The following PIGF variants were observed in gnomAD, a reference collection of about 807,000 sequenced individuals.
PIGF encodes phosphatidylinositol glycan anchor biosynthesis class F.
Under a neutral mutation model 26.0 loss-of-function variants are expected in PIGF, and 23 were observed. That is an observed-to-expected ratio of 0.88 (90% confidence interval 0.64 to 1.25). PIGF has a LOEUF of 1.25. Ranked by LOEUF, PIGF falls within the 50% of genes most tolerant of loss-of-function variation. The pLI, the probability that PIGF is intolerant of heterozygous loss-of-function variation, is 0.00. For missense variants in PIGF, 278 were observed against 249.9 expected, an observed-to-expected ratio of 1.11 and a Z score of -0.76; for synonymous variants, 93 against 92.6, an observed-to-expected ratio of 1.00 and a Z score of -0.03.
chr2:46,585,860 G>A (rs962515269), intron 5 of PIGF, among the ~76,000 whole-genome samples: 1 of 151,764 alleles, frequency 6.6e-6, no homozygotes, highest in Non-Finnish European at 1.5e-5. Flanking sequence ...TGCAAGCTCC[G>A]CCTCCCAGGT....
At chr2:46,594,876 G>T (rs1669834816) in intron 4 of PIGF, among the ~76,000 whole-genome samples, 1 of 150,776 alleles carries the variant, frequency 6.6e-6, no homozygotes. Flanking sequence ...TTGAGATGGA[G>T]TTTCGCTCTT....
Position 46,584,144 on chromosome 2 carries a change from G to A in PIGF, c.547-2553C>T, listed in dbSNP as rs1414260276. 3.3e-5 allele frequency among the ~76,000 whole-genome samples: 5 copies of A among 152,106 alleles called. No individual in the cohort carries two copies. In the East Asian group the frequency reaches 9.6e-4, roughly 29 times the overall value. On this transcript the variant is annotated intron_variant, in intron 5 of 5. Transcript: ENST00000281382. ...CAAATTAAATACCAGTTTGTTGGTT[G>A]TTACTTTTAAATGATTGTTACTTTA...
intron 5 of PIGF, chr2:46,591,889 C>T: frequency 7.7e-7 from 1 of 1,303,896 alleles, no homozygotes; most frequent in Middle Eastern, 2.1e-4. Flanking sequence ...CTTGATAACA[C>T]AGGCCGCTGC....
intron 4 of PIGF, among the ~76,000 whole-genome samples, chr2:46,600,814 A>C (rs1017379176): frequency 6.6e-6 from 1 of 152,142 alleles, no homozygotes; most frequent in African/African-American, 2.4e-5. Flanking sequence ...ATGTAAGAAG[A>C]GGTAGATTAT....
intron 4 of PIGF, among the ~76,000 whole-genome samples, chr2:46,610,543 T>TTC (rs1553426999): frequency 6.7e-6 from 1 of 149,070 alleles, no homozygotes; most frequent in Non-Finnish European, 1.5e-5. Context: ...TTTTTTTTTT[T>TTC]TTTTGAGACA....
At position 46,605,947 on chromosome 2, in the gene PIGF, T is replaced by C. The variant is rs574180662; in HGVS notation, c.437+6281A>G. 2.6e-5 allele frequency among the ~76,000 whole-genome samples: 4 copies of C among 152,342 alleles called. No individual in the cohort carries two copies. The South Asian group carries it at 6.2e-4, about 24-fold the overall frequency. ...ATGTGCTATGTGATATTATATAAAA[T>C]GTTTCACATTATAAATTGATAATTT... On this transcript the variant is annotated intron_variant, in intron 4 of 5. Coordinates refer to ENST00000281382, the MANE Select transcript of PIGF (RefSeq NM_002643.4).
Position 46,588,157 on chromosome 2 carries a change from C to T in PIGF, c.546+4318G>A. 6.2e-7 allele frequency: 1 copy of T among 1,612,684 alleles called. No individual in the cohort carries two copies. The highest frequency in any genetic ancestry group is 8.5e-7 in the Non-Finnish European group (1 of 1,179,344). On this transcript the variant is annotated intron_variant, in intron 5 of 5. Coordinates refer to ENST00000281382, the MANE Select transcript of PIGF (RefSeq NM_002643.4). The surrounding 1 kb of genome is among the most constrained non-coding windows in gnomAD (Gnocchi z 4.1). The stretch of plus-strand genomic sequence containing the variant: ...GGGTACATGGAGAGATCTATAAGTG[C>T]TACGTTTTCTTTCTACTGTCATCTG...
intron 5 of PIGF, among the ~76,000 whole-genome samples, chr2:46,586,372 G>A (rs945703455): frequency 6.6e-6 from 1 of 152,160 alleles, no homozygotes; most frequent in Non-Finnish European, 1.5e-5. Context: ...GCAGTTAAAG[G>A]TGTAAACTAA....
intron 4 of PIGF, among the ~76,000 whole-genome samples, chr2:46,601,236 GAATA>G (rs1447468257): frequency 1.3e-5 from 2 of 152,036 alleles, no homozygotes; most frequent in Admixed American, 6.6e-5. Flanking sequence ...ATAGGGCTCA[GAATA>G]AATAAATGGC....
chr2:46,596,405 T>C (rs1395950275), intron 4 of PIGF, among the ~76,000 whole-genome samples: 1 of 152,158 alleles, frequency 6.6e-6, no homozygotes, highest in African/African-American at 2.4e-5. Context: ...GCCAAGTGTT[T>C]ATGATCCTAC....
chr2:46,596,528 T>G (rs947664556), intron 4 of PIGF, among the ~76,000 whole-genome samples: 28 of 152,236 alleles, frequency 1.8e-4, no homozygotes, highest in African/African-American at 6.7e-4. Context: ...ATATGTGACA[T>G]CTTTAAAGTA....
chr2:46,614,628 T>C, intron 2 of PIGF: 1 of 186,884 alleles, frequency 5.4e-6, no homozygotes, highest in African/African-American at 2.3e-5. Context: ...TCTTATTGAG[T>C]AAGGTTTAAA....
chr2:46,586,455 C>G lies in PIGF; in HGVS notation c.547-4864G>C, dbSNP rs1432828871. 2.6e-5 allele frequency among the ~76,000 whole-genome samples: 4 copies of G among 151,982 alleles called. No individual in the cohort carries two copies. The South Asian group carries it at 6.2e-4, about 24-fold the overall frequency. On this transcript the variant is annotated intron_variant, in intron 5 of 5. Transcript: ENST00000281382. ...ATGTGTTCCAATATAATAAATATTA[C>G]TTATAATTTTGGGGGAGATTTACAC...
chr2:46,616,755 G>A (rs948466311), intron 1 of PIGF: 9 of 172,362 alleles, frequency 5.2e-5, no homozygotes, highest in Admixed American at 5.6e-5. Context: ...GGATCAAAGA[G>A]CATGGGAGTT....
intron 2 of PIGF, 93 bp from the exon 3 acceptor site, chr2:46,613,878 A>C (rs1670507852): frequency 9.3e-7 from 1 of 1,081,078 alleles, no homozygotes; most frequent in East Asian, 2.6e-5. Flanking sequence ...TTGTTCCCAT[A>C]ATGTGTAAAA....
intron 4 of PIGF, among the ~76,000 whole-genome samples, chr2:46,604,470 G>C (rs1027190602): frequency 2.0e-5 from 3 of 150,942 alleles, no homozygotes; most frequent in African/African-American, 7.3e-5. Context: ...TCTATCAACA[G>C]ACTAATGGAT....
At chr2:46,601,115 A>G (rs1670042019) in intron 4 of PIGF, among the ~76,000 whole-genome samples, 1 of 152,136 alleles carries the variant, frequency 6.6e-6, no homozygotes, top group Non-Finnish European at 1.5e-5. Context: ...ACTAATTTCT[A>G]GCATCACTGA....
intron 4 of PIGF, among the ~76,000 whole-genome samples, chr2:46,594,780 G>C (rs1476474499): frequency 1.3e-5 from 2 of 150,478 alleles, no homozygotes; most frequent in African/African-American, 4.9e-5. Flanking sequence ...GTGATCCGCC[G>C]GCCTCAGCCT....
In PIGF at chr2:46,612,905, C is replaced by A. The variant is rs59446909; in HGVS notation, c.321-561G>T. ...TGGTTTGAAAACCACATTTTGAGAA[C>A]CACTGTGCCAGACACATTCATTCTG... On this transcript the variant is annotated intron_variant, in intron 3 of 5. Coordinates refer to ENST00000281382, the MANE Select transcript of PIGF (RefSeq NM_002643.4). Among the ~76,000 whole-genome samples, 44 of 152,192 alleles carry A rather than the reference C, an allele frequency of 2.9e-4. 1 individual carries two copies. In the East Asian group the frequency reaches 8.5e-3, roughly 29 times the overall value.
Sources: gnomAD v4.1 joint callset for allele counts (sites outside exome capture counted in the v4.1 genomes callset) on GRCh38, gnomAD v4.1.1 for gene constraint, Gnocchi (gnomAD v3.1) non-coding constraint, MANE v1.5 for transcripts, NCBI Gene and HGNC (gene_info 2026-07-23, HGNC 2026-07-21) for gene names.